PPP1R18: variants seen among roughly 807,000 people sequenced by gnomAD.
PPP1R18 encodes the protein protein phosphatase 1 regulatory subunit 18.
A neutral mutation model predicts 54.8 loss-of-function variants in PPP1R18; 31 were observed. The ratio of observed to expected loss-of-function variants is 0.57; its 90% CI spans 0.43 to 0.76. The LOEUF is 0.76. PPP1R18 is among the 30% of genes least tolerant of loss of function. PPP1R18 has a pLI of 0.00. For synonymous variants in PPP1R18, 310 were observed against 320.2 expected (o/e 0.97, Z 0.34); for missense variants, 685 against 776.1 (o/e 0.88, Z 1.39).
chr6:30,677,386 AG>A, intron 2 of PPP1R18, 98 bp from the exon 3 acceptor site: 1 of 998,818 alleles, frequency 1.0e-6, no homozygotes, highest in Non-Finnish European at 1.5e-6. Context: ...GTTGGCATGC[AG>A]GAAGTCCTAT....
In PPP1R18 at chr6:30,685,105, C is replaced by A. The variant is rs1319716055; in HGVS notation, c.914G>T (p.Gly305Val). The change falls in exon 1 of 3, where the codon GGC (glycine) becomes GTC (valine). Residue 305 changes from glycine to valine, a missense_variant. Physicochemically the swap from Gly to Val is moderately radical, Grantham distance 109 (BLOSUM62 -3). Transcript: ENST00000274853. The surrounding 1 kb of genome is among the most constrained non-coding windows in gnomAD (Gnocchi z 5.0). ...LSETLTREAQ[G>V]NSSAGVEAAE... ...TGCCTCCACTCCTGCGGAACTGTTG[C>A]CTTGGGCCTCCCTTGTCAGGGTCTC... 3 of 1,613,096 alleles carry A rather than the reference C, an allele frequency of 1.9e-6. No homozygotes were observed. In the African/African-American group the frequency reaches 4.0e-5, roughly 22 times the overall value.
At chr6:30,678,275 T>C (rs1336775804) in intron 2 of PPP1R18, among the ~76,000 whole-genome samples, 1 of 151,672 alleles carries the variant, frequency 6.6e-6, no homozygotes, top group East Asian at 1.9e-4. Context: ...GGTGGTGCAA[T>C]ATTGGTTCAC....
In PPP1R18 at chr6:30,684,571, G is replaced by A. The variant is rs764154003; in HGVS notation, c.1448C>T (p.Ala483Val). ...TVNPRRSVPPATPATPTSPAT... is the reference protein window; with the variant it reads ...TVNPRRSVPPVTPATPTSPAT... Reference sequence around the variant, plus strand: ...TGGAGAGGTTGGGGTGGCTGGGGTCGCAGGGGGCACAGACCGCCGGGGGTT... The same window carrying A: ...TGGAGAGGTTGGGGTGGCTGGGGTCACAGGGGGCACAGACCGCCGGGGGTT... Residue 483 changes from alanine (A) to valine (V), a missense_variant, in exon 1 of 3, where the codon GCG (alanine) becomes GTG (valine). Ala to Val is a moderately conservative substitution (Grantham distance 64, BLOSUM62 0). Coordinates refer to ENST00000274853, the MANE Select transcript of PPP1R18 (RefSeq NM_133471.4). The surrounding 1 kb of genome is among the most constrained non-coding windows in gnomAD (Gnocchi z 6.0). 1.4e-5 allele frequency: 22 copies of A among 1,608,642 alleles called. No individual in the cohort carries two copies. Among genetic ancestry groups the A allele is most frequent in the Admixed American group, 1.7e-5 (1 of 59,380 alleles).
At chr6:30,679,094 A>T (rs1343466762) in intron 2 of PPP1R18, 85 bp downstream of exon 2, 3 of 1,185,096 alleles carry the variant, frequency 2.5e-6, no homozygotes, top group Non-Finnish European at 3.6e-6. Flanking sequence ...GAGTGCCTAC[A>T]TGTAATCCTC....
Position 30,684,349 on chromosome 6 carries a change from G to T in PPP1R18, c.1611+59C>A. 7 of 1,473,904 alleles carry T rather than the reference G, an allele frequency of 4.7e-6. No homozygotes were observed. The highest frequency in any genetic ancestry group is 6.3e-6 in the Non-Finnish European group (7 of 1,104,344). 91.3% of individuals were successfully genotyped at this position (1,473,904 alleles called of 1,614,324 possible). A position where few individuals can be genotyped will look rare whatever the true frequency, so the allele number is the denominator to read the frequency against. ...AGGGGTATAAAAAAGAAAGAGACCAGAGTCCAGAGAAAATTGACAAGTGGA... is the reference window on the plus strand; with the variant it reads ...AGGGGTATAAAAAAGAAAGAGACCATAGTCCAGAGAAAATTGACAAGTGGA... On this transcript the variant is annotated intron_variant, in intron 1 of 2. Coordinates refer to ENST00000274853, the MANE Select transcript of PPP1R18 (RefSeq NM_133471.4). This position sits in a 1 kb window ranked among gnomAD's most constrained non-coding sequence, Gnocchi z 6.0.
At chr6:30,682,016 A>C (rs1038101317) in intron 1 of PPP1R18, among the ~76,000 whole-genome samples, 1 of 152,192 alleles carries the variant, frequency 6.6e-6, no homozygotes, top group Non-Finnish European at 1.5e-5. Flanking sequence ...TCTGTAACTG[A>C]CAGATTTACC....
At position 30,679,400 on chromosome 6, in the gene PPP1R18, G is replaced by A. The variant is rs1473693425; in HGVS notation, c.1612-11C>T. 4 of 1,526,774 alleles carry A rather than the reference G, an allele frequency of 2.6e-6. No individual in the cohort carries two copies. The highest frequency in any genetic ancestry group is 5.4e-5 in the East Asian group (2 of 37,200). 94.6% of individuals were successfully genotyped at this position (1,526,774 alleles called of 1,614,324 possible). ...GAAGGAGATCTTAAGCTGAAGGAGG[G>A]AGAAAAAGGGGGCAGGAGGCAAGGT... On this transcript the variant is annotated splice_polypyrimidine_tract_variant and intron_variant, in intron 1 of 2. Transcript: ENST00000274853.
In PPP1R18 at chr6:30,685,156, G is replaced by T. The variant is rs768443841; in HGVS notation, c.863C>A (p.Ala288Asp). The T allele has an allele frequency of 1.5e-5, 24 of 1,613,064 alleles. No homozygotes were observed. In the South Asian group the frequency reaches 2.6e-4, roughly 18 times the overall value. Residue 288 changes from alanine (A) to aspartate (D), a missense_variant, in exon 1 of 3, where the codon GCT becomes GAT. Coordinates refer to ENST00000274853, the MANE Select transcript of PPP1R18 (RefSeq NM_133471.4). This position sits in a 1 kb window ranked among gnomAD's most constrained non-coding sequence, Gnocchi z 5.0. ...GGACAGCTCTGCAGTCTCTTTTGGA[G>T]CTACCCCTGGAACTGGCCACTCTTC... Reference protein sequence around the residue: ...RKEEWPVPGVAPKETAELSET... With the variant: ...RKEEWPVPGVDPKETAELSET...
At chr6:30,677,348 C>T in intron 2 of PPP1R18, 60 bp from the exon 3 acceptor site, 1 of 1,445,638 alleles carries the variant, frequency 6.9e-7, no homozygotes, top group South Asian at 1.3e-5. Flanking sequence ...TTCTGCCCAC[C>T]CTTCCCCCCC....
Position 30,686,012 on chromosome 6 carries a change from T to C in PPP1R18, c.7A>G (p.Thr3Ala). ...AGCTGTAGCTTCCAGTCTGGGATGG[T>C]GGCCATGGTCGTCTTGAGGTGAGGG... MATIPDWKLQLLA... is the reference protein window; with the variant it reads MAAIPDWKLQLLA... The change falls in exon 1 of 3, where the codon ACC (threonine) becomes GCC (alanine). Residue 3 changes from threonine to alanine, a missense_variant. Physicochemically the swap from Thr to Ala is moderately conservative, Grantham distance 58 (BLOSUM62 0). Coordinates refer to ENST00000274853, the MANE Select transcript of PPP1R18 (RefSeq NM_133471.4). The C allele has an allele frequency of 6.4e-7, 1 of 1,565,868 alleles. No homozygotes were observed. The highest frequency in any genetic ancestry group is 8.6e-7 in the Non-Finnish European group (1 of 1,162,894).
In PPP1R18 at chr6:30,685,643, G is replaced by T. The variant is rs1307639209; in HGVS notation, c.376C>A (p.Pro126Thr). ...PLEARERRPS[P>T]GEMRDQSPKG... ...GGGCTCTGATCCCGCATCTCCCCAG[G>T]GCTGGGTCTCCGCTCCCGGGCCTCC... The change falls in exon 1 of 3, where the codon CCT (proline) becomes ACT (threonine). Residue 126 changes from proline (P) to threonine (T), a missense_variant. Transcript: ENST00000274853. This position sits in a 1 kb window ranked among gnomAD's most constrained non-coding sequence, Gnocchi z 5.0. 6.2e-7 allele frequency: 1 copy of T among 1,612,942 alleles called. No homozygotes were observed. Among genetic ancestry groups the T allele is most frequent in the Non-Finnish European group, 8.5e-7 (1 of 1,180,026 alleles).
intron 2 of PPP1R18, among the ~76,000 whole-genome samples, chr6:30,678,770 C>A (rs549389697): frequency 6.6e-6 from 1 of 152,146 alleles, no homozygotes; most frequent in South Asian, 2.1e-4. Context: ...AGCGATCCAC[C>A]CGTCTTGGCT....
At chr6:30,680,041 G>A (rs1276200064) in intron 1 of PPP1R18, among the ~76,000 whole-genome samples, 1 of 152,198 alleles carries the variant, frequency 6.6e-6, no homozygotes, top group African/African-American at 2.4e-5. Context: ...AAGGCCGAGA[G>A]GAACCAAGAG....
chr6:30,685,305 G>A lies in PPP1R18; in HGVS notation c.714C>T (p.Ala238=). 1 of 1,612,986 alleles carries A rather than the reference G, an allele frequency of 6.2e-7. No individual in the cohort carries two copies. Among genetic ancestry groups the A allele is most frequent in the Non-Finnish European group, 8.5e-7 (1 of 1,180,026 alleles). The change falls in exon 1 of 3, where the codon GCC becomes GCT. Residue 238 remains alanine, a synonymous_variant. Transcript: ENST00000274853. This position sits in a 1 kb window ranked among gnomAD's most constrained non-coding sequence, Gnocchi z 5.0. The part of the protein sequence containing the change: ...SAYQKLGLTE[A]HKWRPDSRES... ...CTCTGGAGTCAGGTCTCCATTTATG[G>A]GCCTCTGTCAGGCCCAACTTCTGGT...
Position 30,676,874 on chromosome 6 carries a change from G to T in PPP1R18, c.*395C>A. The stretch of plus-strand genomic sequence containing the variant: ...GTGCCTATAAATGGAGTGGGGTCTG[G>T]GCCTCCCAGAGAGACGAGTGCTTAA... On this transcript the variant is annotated 3_prime_UTR_variant, in exon 3 of 3. Coordinates refer to ENST00000274853, the MANE Select transcript of PPP1R18 (RefSeq NM_133471.4). 2.9e-6 allele frequency: 1 copy of T among 342,108 alleles called. No homozygotes were observed. The highest frequency in any genetic ancestry group is 5.4e-6 in the Non-Finnish European group (1 of 186,136). 21.2% of individuals were successfully genotyped at this position (342,108 alleles called of 1,614,324 possible). A position where few individuals can be genotyped will look rare whatever the true frequency, so the allele number is the denominator to read the frequency against.
chr6:30,685,686 C>T lies in PPP1R18; in HGVS notation c.333G>A (p.Glu111=). The change falls in exon 1 of 3, where the codon GAG becomes GAA. Residue 111 remains glutamate (E), a synonymous_variant. Transcript: ENST00000274853. This position sits in a 1 kb window ranked among gnomAD's most constrained non-coding sequence, Gnocchi z 5.0. ...QQQRSEELLA[E]RKPGPLEARE... is the part of the protein sequence containing the mutation. ...GGGCCTCCAGAGGCCCAGGCTTTCT[C>T]TCTGCTAGCAGCTCTTCACTCCGTT... 1.2e-6 allele frequency: 2 copies of T among 1,613,136 alleles called. No individual in the cohort carries two copies. Among genetic ancestry groups the T allele is most frequent in the Non-Finnish European group, 1.7e-6 (2 of 1,180,046 alleles).
chr6:30,682,448 C>T (rs545616468), intron 1 of PPP1R18, among the ~76,000 whole-genome samples: 44 of 152,182 alleles, frequency 2.9e-4, no homozygotes, highest in African/African-American at 9.6e-4. Context: ...GAAGGTGAAG[C>T]GGGGGTTGGT....
At chr6:30,682,456 G>C (rs1186740327) in intron 1 of PPP1R18, among the ~76,000 whole-genome samples, 1 of 152,154 alleles carries the variant, frequency 6.6e-6, no homozygotes, top group East Asian at 1.9e-4. Flanking sequence ...AGCGGGGGTT[G>C]GTGGCAGGGT....
Position 30,679,286 on chromosome 6 carries a change from G to A in PPP1R18, c.1715C>T (p.Ala572Val), listed in dbSNP as rs1456845996. The A allele has an allele frequency of 5.8e-6, 9 of 1,554,786 alleles. No individual in the cohort carries two copies. Among genetic ancestry groups the A allele is most frequent in the East Asian group, 2.4e-5 (1 of 41,148 alleles). ...ELGPEPEVPS[A>V]PNPPAAQPDD... ...GGGTTGGGCTGCTGGAGGGTTGGGG[G>A]CACTGGGGACCTCAGGCTCCGGGCC... The change falls in exon 2 of 3, where the codon GCC (alanine) becomes GTC (valine). Residue 572 changes from alanine (A) to valine (V), a missense_variant. Transcript: ENST00000274853.
Sources: gnomAD v4.1 joint callset for allele counts (sites outside exome capture counted in the v4.1 genomes callset) on GRCh38, gnomAD v4.1.1 for gene constraint, Gnocchi (gnomAD v3.1) non-coding constraint, MANE v1.5 for transcripts, NCBI Gene and HGNC (gene_info 2026-07-23, HGNC 2026-07-21) for gene names.